SPINK8: variants seen among roughly 807,000 people sequenced by gnomAD.
SPINK8 encodes the protein serine protease inhibitor Kazal-type 8.
A neutral mutation model predicts 14.4 loss-of-function variants in SPINK8; 12 were observed. The observed-to-expected ratio is 0.83, with a 90% CI of 0.53 to 1.35. The LOEUF (loss-of-function observed/expected upper bound fraction) is 1.35. Among genes scored for constraint, SPINK8 ranks in the 40% most tolerant of loss-of-function variants. The pLI, the probability that SPINK8 is intolerant of heterozygous loss-of-function variation, is 0.00. For missense variants in SPINK8, 103 were observed against 117.0 expected, an observed-to-expected ratio of 0.88 and a Z score of 0.55; for synonymous variants, 32 against 37.6, an observed-to-expected ratio of 0.85 and a Z score of 0.55.
Position 48,319,611 on chromosome 3 carries a change from C to A in SPINK8, c.125G>T (p.Cys42Phe), listed in dbSNP as rs774043838. The stretch of plus-strand genomic sequence containing the variant: ...CCAGCACTTATTTACATTCTTGAGG[C>A]ATTCAACCTGAAGGTGAGACACACA... The part of the protein sequence containing the change: ...RGQLDKTIVE[C>F]LKNVNKCWFL... The change falls in exon 6 of 8, where the codon TGC becomes TTC. Residue 42 changes from cysteine (C) to phenylalanine (F), a missense_variant. Physicochemically the swap from Cys to Phe is radical, Grantham distance 205. Coordinates refer to ENST00000434006, the MANE Select transcript of SPINK8 (RefSeq NM_001080525.3). 3 of 1,613,856 alleles carry A rather than the reference C, an allele frequency of 1.9e-6. No individual in the cohort carries two copies. The Admixed American group carries it at 5.0e-5, about 27-fold the overall frequency.
intron 6 of SPINK8, among the ~76,000 whole-genome samples, chr3:48,310,392 A>C (rs2035909732): frequency 6.6e-6 from 1 of 152,198 alleles, no homozygotes; most frequent in Admixed American, 6.5e-5. Flanking sequence ...ATAAGAAATA[A>C]AAAGTCTCAA....
rs1463773006 is a variant in SPINK8 at position 48,328,311 on chromosome 3, C to A, written c.31G>T (p.Val11Phe). The part of the protein sequence containing the change: MKGICSDAIL[V>F]LATSMWMAFA... ...GCCATCCACATGGAGGTAGCTAGAA[C>A]AAGGATGGCGTCTGAGCAGATCCCC... The change falls in exon 4 of 8, where the codon GTT becomes TTT. Residue 11 changes from valine (V) to phenylalanine (F), a missense_variant. Coordinates refer to ENST00000434006, the MANE Select transcript of SPINK8 (RefSeq NM_001080525.3). 3.7e-6 allele frequency: 6 copies of A among 1,611,604 alleles called. No individual in the cohort carries two copies. The highest frequency in any genetic ancestry group is 5.1e-6 in the Non-Finnish European group (6 of 1,178,978).
At chr3:48,322,838 G>A (rs2036093156) in intron 4 of SPINK8, among the ~76,000 whole-genome samples, 1 of 152,004 alleles carries the variant, frequency 6.6e-6, no homozygotes, top group Non-Finnish European at 1.5e-5. Context: ...TCAGTTAATG[G>A]ACATTTGAGT....
intron 5 of SPINK8, 80 bp downstream of exon 5, chr3:48,320,945 C>T: frequency 3.5e-6 from 5 of 1,447,290 alleles, no homozygotes; most frequent in South Asian, 1.3e-5. Flanking sequence ...GCCCACCTCC[C>T]AGAAGAAAGA....
chr3:48,315,767 A>G (rs2035982724), intron 6 of SPINK8, among the ~76,000 whole-genome samples: 1 of 151,258 alleles, frequency 6.6e-6, no homozygotes, highest in Admixed American at 6.6e-5. Context: ...ACTGTATGTA[A>G]AGAACAAAGA....
chr3:48,313,138 A>G (rs2035945015), intron 6 of SPINK8, among the ~76,000 whole-genome samples: 1 of 152,214 alleles, frequency 6.6e-6, no homozygotes, highest in Non-Finnish European at 1.5e-5. Flanking sequence ...AAATAGATAA[A>G]TTGATGTCAT....
At chr3:48,314,095 G>A (rs1327860799) in intron 6 of SPINK8, among the ~76,000 whole-genome samples, 2 of 151,978 alleles carry the variant, frequency 1.3e-5, no homozygotes, top group Non-Finnish European at 2.9e-5. Flanking sequence ...CTTTAAAATG[G>A]TTCATTTTAT....
rs371813695 is a variant in SPINK8 at position 48,319,557 on chromosome 3, G to A, written c.179C>T (p.Pro60Leu). The A allele has an allele frequency of 1.1e-5, 17 of 1,613,818 alleles. No individual in the cohort carries two copies. Among genetic ancestry groups the A allele is most frequent in the African/African-American group, 4.0e-5 (3 of 74,914 alleles). The change falls in exon 6 of 8, where the codon CCT becomes CTT. Residue 60 changes from proline (P) to leucine (L), a missense_variant. Physicochemically the swap from Pro to Leu is moderately conservative, Grantham distance 98 (BLOSUM62 -3). Coordinates refer to ENST00000434006, the MANE Select transcript of SPINK8 (RefSeq NM_001080525.3). The stretch of plus-strand genomic sequence containing the variant: ...GGTAACCTGGTCACTGCCACAAATA[G>A]GTTCACTGGGCTTGATGTAGGATAA... The part of the protein sequence containing the change: ...WFLSYIKPSE[P>L]ICGSDQVTYS...
At chr3:48,325,692 A>C (rs1262495767) in intron 4 of SPINK8, among the ~76,000 whole-genome samples, 1 of 151,316 alleles carries the variant, frequency 6.6e-6, no homozygotes, top group East Asian at 2.0e-4. Context: ...TCCCAGGTTC[A>C]AGTGATTCTC....
At chr3:48,307,403 T>TC (rs1659763621) in intron 7 of SPINK8, among the ~76,000 whole-genome samples, 1 of 150,748 alleles carries the variant, frequency 6.6e-6, no homozygotes, top group Admixed American at 6.6e-5. Flanking sequence ...CTTCCTTCCT[T>TC]CCTTCTTTCC....
chr3:48,309,832 C>T (rs1265866868), intron 7 of SPINK8, 72 bp downstream of exon 7: 1 of 1,386,346 alleles, frequency 7.2e-7, no homozygotes, highest in South Asian at 1.7e-5. Context: ...CATTTAAAAC[C>T]CTCTAAAACA....
chr3:48,326,124 C>T (rs1357611996), intron 4 of SPINK8, among the ~76,000 whole-genome samples: 2 of 151,942 alleles, frequency 1.3e-5, no homozygotes, highest in Admixed American at 6.6e-5. Flanking sequence ...AAAATGTTGA[C>T]GACGTGTCCT....
intron 7 of SPINK8, among the ~76,000 whole-genome samples, chr3:48,307,428 CCCTT>C (rs1013297645): frequency 1.3e-5 from 2 of 151,256 alleles, no homozygotes; most frequent in Non-Finnish European, 3.0e-5. Context: ...TTCCTTTCCT[CCCTT>C]CCTTCTTCCA....
intron 4 of SPINK8, 95 bp from the exon 5 acceptor site, chr3:48,321,169 A>G (rs2036069354): frequency 7.9e-7 from 1 of 1,264,030 alleles, no homozygotes; most frequent in South Asian, 1.5e-5. Context: ...GGCACACAGG[A>G]AGCATCAAAC....
intron 6 of SPINK8, among the ~76,000 whole-genome samples, chr3:48,312,805 T>C (rs989217932): frequency 1.3e-5 from 2 of 152,212 alleles, no homozygotes; most frequent in Admixed American, 1.3e-4. Flanking sequence ...GAGACCAGCC[T>C]GGCCAGCATG....
chr3:48,309,783 C>T (rs2035899265), intron 7 of SPINK8, 121 bp downstream of exon 7: 2 of 1,296,226 alleles, frequency 1.5e-6, no homozygotes. Context: ...CTATTATTGG[C>T]TCTACTTTTA....
intron 6 of SPINK8, among the ~76,000 whole-genome samples, chr3:48,314,162 A>G (rs982632754): frequency 6.6e-6 from 1 of 152,218 alleles, no homozygotes; most frequent in African/African-American, 2.4e-5. Flanking sequence ...ATTTATAGTT[A>G]TAAGAACTTT....
At chr3:48,323,492 G>A (rs2036102163) in intron 4 of SPINK8, among the ~76,000 whole-genome samples, 1 of 152,146 alleles carries the variant, frequency 6.6e-6, no homozygotes, top group African/African-American at 2.4e-5. Context: ...TGCCTTTGGT[G>A]CCATCGTTAA....
intron 4 of SPINK8, among the ~76,000 whole-genome samples, chr3:48,323,796 G>A (rs999436135): frequency 6.6e-6 from 1 of 152,070 alleles, no homozygotes; most frequent in Non-Finnish European, 1.5e-5. Context: ...TTATTGATCT[G>A]TATTTCTTTT....
Sources: gnomAD v4.1 joint callset for allele counts (sites outside exome capture counted in the v4.1 genomes callset) on GRCh38, gnomAD v4.1.1 for gene constraint, MANE v1.5 for transcripts, NCBI Gene and HGNC (gene_info 2026-07-23, HGNC 2026-07-21) for gene names.